The following PPP2R3B variants were observed in gnomAD, a reference collection of about 807,000 sequenced individuals.
PPP2R3B encodes protein phosphatase 2 regulatory subunit B''beta.
Under a neutral mutation model 72.9 loss-of-function variants are expected in PPP2R3B, and 68 were observed. The observed-to-expected ratio is 0.93, with a 90% confidence interval of 0.77 to 1.14. PPP2R3B has a LOEUF of 1.14. PPP2R3B is among the 50% of genes most tolerant of loss of function. The pLI, the probability that PPP2R3B is intolerant of heterozygous loss-of-function variation, is 0.00. For missense variants in PPP2R3B, 1,018 were observed against 842.0 expected (o/e 1.21, Z -2.59); for synonymous variants, 466 against 375.8 (o/e 1.24, Z -2.78).
At chrX:338,411 C>A in intron 12 of PPP2R3B, 193 bp downstream of exon 12, 1 of 637,226 alleles carries the variant, frequency 1.6e-6, no homozygotes, top group Non-Finnish European at 2.8e-6. Context: ...CGAGGCCCGG[C>A]CCTGTCATCG....
intron 7 of PPP2R3B, 84 bp from the exon 8 acceptor site, chrX:342,015 G>A: frequency 6.5e-7 from 1 of 1,536,100 alleles, no homozygotes; most frequent in Non-Finnish European, 9.0e-7. Flanking sequence ...ACTGGATGCG[G>A]TGGGGACCGA....
At chrX:363,252 C>CCCA (rs2071581951) in intron 1 of PPP2R3B, among the ~76,000 whole-genome samples, 1 of 142,002 alleles carries the variant, frequency 7.0e-6, no homozygotes, top group Non-Finnish European at 1.5e-5. Context: ...TCTCCCCGAG[C>CCCA]CCATGATCCC....
At chrX:386,015 G>A (rs1423096437) in intron 1 of PPP2R3B, among the ~76,000 whole-genome samples, 19 of 152,208 alleles carry the variant, frequency 1.2e-4, no homozygotes, top group Non-Finnish European at 2.8e-4. Context: ...CTGGGAGGCA[G>A]AGGTTGCAGT....
chrX:341,460 GC>G (rs1338674221), intron 8 of PPP2R3B, 64 bp from the exon 9 acceptor site: 79 of 1,563,678 alleles, frequency 5.1e-5, no homozygotes, highest in Non-Finnish European at 6.7e-5. Flanking sequence ...CAGGAACGGA[GC>G]CCCTGTCCAC....
chrX:346,895 G>A (rs2071228620), intron 4 of PPP2R3B, 120 bp from the exon 5 acceptor site: 3 of 965,622 alleles, frequency 3.1e-6, no homozygotes, highest in African/African-American at 3.4e-5. Context: ...TGTAGACGCC[G>A]GCCCTCCCGT....
chrX:361,877 T>C (rs2071549445), intron 1 of PPP2R3B, among the ~76,000 whole-genome samples: 1 of 152,048 alleles, frequency 6.6e-6, no homozygotes, highest in African/African-American at 2.4e-5. Context: ...CAAGGGCAGC[T>C]ACGTGCCCCA....
In PPP2R3B at chrX:346,215, T is replaced by C; in HGVS notation, c.838A>G (p.Arg280Gly). Residue 280 changes from arginine to glycine, a missense_variant, in exon 6 of 13, where the codon AGG becomes GGG. Coordinates refer to ENST00000390665, the MANE Select transcript of PPP2R3B (RefSeq NM_013239.5). The stretch of plus-strand genomic sequence containing the variant: ...CTCCGCAGCTCGGCGCAGGTGATCC[T>C]GCCGGACCAGGACCGGTTCACGGCG... Reference protein sequence around the residue: ...FYAVNRSWSGRITCAELRRSS... With the variant: ...FYAVNRSWSGGITCAELRRSS... The C allele has an allele frequency of 6.4e-7, 1 of 1,571,284 alleles. No individual in the cohort carries two copies. The highest frequency in any genetic ancestry group is 8.6e-7 in the Non-Finnish European group (1 of 1,160,258).
In PPP2R3B at chrX:334,178, C is replaced by T; in HGVS notation, c.*189G>A. ...ATTCACGCGCGGCCCTACGTGTCCC[C>T]CTGGCACAGAGCTCTGGGCAGGTCC... On this transcript the variant is annotated 3_prime_UTR_variant, in exon 13 of 13. Coordinates refer to ENST00000390665, the MANE Select transcript of PPP2R3B (RefSeq NM_013239.5). 3.3e-6 allele frequency: 2 copies of T among 610,598 alleles called. No individual in the cohort carries two copies. The highest frequency in any genetic ancestry group is 5.0e-6 in the Non-Finnish European group (2 of 399,490). 37.8% of individuals were successfully genotyped at this position (610,598 alleles called of 1,614,324 possible).
At chrX:364,369 G>C (rs1244655071) in intron 1 of PPP2R3B, among the ~76,000 whole-genome samples, 1 of 151,926 alleles carries the variant, frequency 6.6e-6, no homozygotes, top group African/African-American at 2.4e-5. Context: ...CGGTCACCAG[G>C]ATGCTGCGAA....
Position 382,599 on chromosome X carries a change from G to C in PPP2R3B, c.324+3769C>G, listed in dbSNP as rs763527773. Among the ~76,000 whole-genome samples, 7 of 152,252 alleles carry C rather than the reference G, an allele frequency of 4.6e-5. No individual in the cohort carries two copies. In the South Asian group the frequency reaches 1.5e-3, roughly 32 times the overall value. Reference sequence around the variant, plus strand: ...TTCCTCCTCAAAACTTTCTCCAGGAGAGAAATGATGTCTCCCTGCTTTGAA... The same window carrying C: ...TTCCTCCTCAAAACTTTCTCCAGGACAGAAATGATGTCTCCCTGCTTTGAA... On this transcript the variant is annotated intron_variant, in intron 1 of 12. Coordinates refer to ENST00000390665, the MANE Select transcript of PPP2R3B (RefSeq NM_013239.5).
chrX:345,123 T>G, intron 7 of PPP2R3B: 8 of 485,844 alleles, frequency 1.6e-5, no homozygotes, highest in Non-Finnish European at 2.4e-5. Flanking sequence ...TAGCCCGGGA[T>G]TGGATGGAAA....
In PPP2R3B at chrX:356,711, G is replaced by A. The variant is rs1483535759; in HGVS notation, c.510+4694C>T. Among the ~76,000 whole-genome samples the A allele has an allele frequency of 2.0e-5, 3 of 152,216 alleles. No homozygotes were observed. In the East Asian group the frequency reaches 5.8e-4, roughly 29 times the overall value. ...GACGTCTATCAACCCTGGAACAGGG[G>A]AGAGATGGAGCACACACACAGCAGA... On this transcript the variant is annotated intron_variant, in intron 2 of 12. Transcript: ENST00000390665.
At chrX:350,751 G>A (rs2071313113) in intron 2 of PPP2R3B, among the ~76,000 whole-genome samples, 1 of 152,232 alleles carries the variant, frequency 6.6e-6, no homozygotes, top group Admixed American at 6.5e-5. Flanking sequence ...GTTGCTGGGG[G>A]AACTGGGACG....
chrX:366,896 C>A (rs867992447), intron 1 of PPP2R3B, among the ~76,000 whole-genome samples: 20 of 150,006 alleles, frequency 1.3e-4, no homozygotes, highest in South Asian at 8.5e-4. Flanking sequence ...GGTGTGGTGG[C>A]GCATGCCTGT....
intron 1 of PPP2R3B, among the ~76,000 whole-genome samples, chrX:373,296 C>T (rs1429761066): frequency 6.6e-6 from 1 of 152,234 alleles, no homozygotes; most frequent in Non-Finnish European, 1.5e-5. Flanking sequence ...GTTTTCCTAA[C>T]AAGCTTGGCA....
At chrX:352,512 ACACCTTGCTCTGTGTGGATCGTCTGCC>A (rs1301898867) in intron 2 of PPP2R3B, among the ~76,000 whole-genome samples, 37 of 149,692 alleles carry the variant, frequency 2.5e-4, no homozygotes, top group Middle Eastern at 3.4e-3. Flanking sequence ...TGGGACTCAC[ACACCTTGCTCTGTGTGGATCGTCTGCC>A]CACCTTGCTC....
At chrX:346,363 C>T in intron 5 of PPP2R3B, 103 bp from the exon 6 acceptor site, 2 of 1,140,374 alleles carry the variant, frequency 1.8e-6, no homozygotes, top group Middle Eastern at 2.8e-4. Flanking sequence ...TGGTCTCAGC[C>T]GCACGGGGCC....
intron 2 of PPP2R3B, among the ~76,000 whole-genome samples, chrX:351,013 G>A (rs1431000693): frequency 6.6e-6 from 1 of 152,206 alleles, no homozygotes; most frequent in Non-Finnish European, 1.5e-5. Context: ...AGTGACCACG[G>A]GGGGGCGTGG....
chrX:382,373 T>C (rs1402739987), intron 1 of PPP2R3B, among the ~76,000 whole-genome samples: 1 of 151,912 alleles, frequency 6.6e-6, no homozygotes, highest in Non-Finnish European at 1.5e-5. Context: ...AATTTTTGTA[T>C]TTTTAGTAGA....
Sources: gnomAD v4.1 joint callset for allele counts (sites outside exome capture counted in the v4.1 genomes callset) on GRCh38, gnomAD v4.1.1 for gene constraint, MANE v1.5 for transcripts, NCBI Gene and HGNC (gene_info 2026-07-23, HGNC 2026-07-21) for gene names.